FAT4: variants seen among roughly 807,000 people sequenced by gnomAD.
FAT4 encodes FAT atypical cadherin 4.
In FAT4, 84 loss-of-function variants were observed where a neutral mutation model predicts 303.9. The observed-to-expected ratio is 0.28, with a 90% confidence interval of 0.23 to 0.33. The LOEUF (loss-of-function observed/expected upper bound fraction) is 0.33. FAT4 is among the 10% of genes least tolerant of loss of function. FAT4 has a pLI of 1.00. For synonymous variants in FAT4, 2,307 were observed against 2,298.8 expected, an observed-to-expected ratio of 1.00 and a Z score of -0.10; for missense variants, 6,005 against 6,146.8, an observed-to-expected ratio of 0.98 and a Z score of 0.77.
chr4:125,448,096 G>T (rs1578654141), intron 9 of FAT4, among the ~76,000 whole-genome samples: 1 of 152,150 alleles, frequency 6.6e-6, no homozygotes, highest in East Asian at 1.9e-4. Flanking sequence ...ACTTTGCAGA[G>T]CTCGCATATT....
rs764161332 is a variant in FAT4, at chr4:125,491,761, A to G, written c.14945A>G (p.Tyr4982Cys). The G allele has an allele frequency of 6.2e-6, 10 of 1,608,176 alleles. No individual in the cohort carries two copies. The highest frequency in any genetic ancestry group is 8.5e-6 in the Non-Finnish European group (10 of 1,177,510). ...CCCAAAGATGGGGAAGCAGAACAGT[A>G]TGTGTGAAGTTTATGTACTGGCACT... Reference protein sequence around the residue: ...PVPKDGEAEQYV With the variant: ...PVPKDGEAEQCV The change falls in exon 18 of 18, where the codon TAT (tyrosine) becomes TGT (cysteine). Residue 4982 changes from tyrosine to cysteine, a missense_variant. Coordinates refer to ENST00000394329, the MANE Select transcript of FAT4 (RefSeq NM_001291303.3).
intron 2 of FAT4, among the ~76,000 whole-genome samples, chr4:125,369,787 G>A (rs1314342374): frequency 2.6e-5 from 4 of 151,926 alleles, no homozygotes; most frequent in East Asian, 1.9e-4. Context: ...TCCTCCAATC[G>A]GCAAGCTCCA....
intron 7 of FAT4, among the ~76,000 whole-genome samples, chr4:125,425,817 T>C (rs891608214): frequency 2.6e-5 from 4 of 152,222 alleles, no homozygotes; most frequent in African/African-American, 9.6e-5. Context: ...AGAGATTCTG[T>C]CTCTAGATTT....
At chr4:125,475,927 G>A (rs959692574) in intron 12 of FAT4, among the ~76,000 whole-genome samples, 1 of 151,930 alleles carries the variant, frequency 6.6e-6, no homozygotes, top group East Asian at 1.9e-4. Context: ...GAGCAGGAGA[G>A]GATTTTTAAA....
chr4:125,390,722 C>T (rs1733946121), intron 2 of FAT4, among the ~76,000 whole-genome samples: 1 of 152,118 alleles, frequency 6.6e-6, no homozygotes, highest in Non-Finnish European at 1.5e-5. Context: ...CAGGTTTACA[C>T]GTGCCTTTCA....
rs777657040 is a variant in FAT4 at position 125,325,355 on chromosome 4, G to A, written c.5175+3769G>A. 1.0e-3 allele frequency among the ~76,000 whole-genome samples: 156 copies of A among 152,008 alleles called. 3 individuals are homozygous for A. Among genetic ancestry groups the A allele is most frequent in the Admixed American group, 4.6e-4 (7 of 15,250 alleles). On this transcript the variant is annotated intron_variant, in intron 2 of 17. Coordinates refer to ENST00000394329, the MANE Select transcript of FAT4 (RefSeq NM_001291303.3). Reference sequence around the variant, plus strand: ...TTTAATATATGACTCTCAACCTGTTGGTGATGGTTAGAAGTTTTCCAAATT... The same window carrying A: ...TTTAATATATGACTCTCAACCTGTTAGTGATGGTTAGAAGTTTTCCAAATT...
intron 2 of FAT4, among the ~76,000 whole-genome samples, chr4:125,351,561 T>G (rs190060277): frequency 4.0e-5 from 6 of 151,892 alleles, no homozygotes; most frequent in Admixed American, 3.3e-4. Flanking sequence ...GTCTTCACAA[T>G]AAATTCAGTT....
In FAT4 at chr4:125,452,423, CAT is replaced by C; in HGVS notation, c.11414_11415del (p.His3805ArgfsTer28). The C allele has an allele frequency of 6.2e-7, 1 of 1,614,076 alleles. No homozygotes were observed. Among genetic ancestry groups the C allele is most frequent in the Non-Finnish European group, 8.5e-7 (1 of 1,180,026 alleles). On this transcript the variant is annotated frameshift_variant, in exon 10 of 18. Coordinates refer to ENST00000394329, the MANE Select transcript of FAT4 (RefSeq NM_001291303.3). LOFTEE classifies it high-confidence loss of function. ...TGGAGTAAAGGTGGAATCTGTGGAT[CAT>C]GACTCCTGTGTGCATGGCCCATGTC... ...QSGVKVESVD[H>X]DSCVHGPCQN...
chr4:125,450,606 A>T lies in FAT4; in HGVS notation c.9596A>T (p.Asp3199Val), dbSNP rs377635696. 12 of 1,614,136 alleles carry T rather than the reference A, an allele frequency of 7.4e-6. No individual in the cohort carries two copies. The highest frequency in any genetic ancestry group is 8.5e-7 in the Non-Finnish European group (1 of 1,180,020). ...VNDNSPVFLSDDYFPTVLENA... is the reference protein window; with the variant it reads ...VNDNSPVFLSVDYFPTVLENA... Reference sequence around the variant, plus strand: ...GATAATTCTCCAGTATTCCTCTCTGATGACTATTTCCCTACTGTTTTGGAA... The same window carrying T: ...GATAATTCTCCAGTATTCCTCTCTGTTGACTATTTCCCTACTGTTTTGGAA... The change falls in exon 10 of 18, where the codon GAT (aspartate) becomes GTT (valine). Residue 3199 changes from aspartate (D) to valine (V), a missense_variant. Transcript: ENST00000394329.
intron 7 of FAT4, among the ~76,000 whole-genome samples, chr4:125,427,695 A>G (rs902273420): frequency 3.0e-4 from 45 of 152,004 alleles, no homozygotes; most frequent in Non-Finnish European, 2.4e-4. Context: ...CTTCATGGGG[A>G]AAAAAAGAAG....
At position 125,415,309 on chromosome 4, in the gene FAT4, G is replaced by A; in HGVS notation, c.6346G>A (p.Glu2116Lys). 1.9e-6 allele frequency: 3 copies of A among 1,614,038 alleles called. No homozygotes were observed. The highest frequency in any genetic ancestry group is 2.5e-6 in the Non-Finnish European group (3 of 1,179,964). Residue 2116 changes from glutamate to lysine, a missense_variant, in exon 6 of 18, where the codon GAA (glutamate) becomes AAA (lysine). Coordinates refer to ENST00000394329, the MANE Select transcript of FAT4 (RefSeq NM_001291303.3). ...GCTCACTGGAGAACTGGACAGAGAA[G>A]AAGTTTCTAATTATACTCTAACAGT... ...VRLTGELDRE[E>K]VSNYTLTVVA...
At chr4:125,367,659 T>C (rs1323127426) in intron 2 of FAT4, among the ~76,000 whole-genome samples, 2 of 152,154 alleles carry the variant, frequency 1.3e-5, no homozygotes, top group African/African-American at 4.8e-5. Context: ...GTTAAGTTAT[T>C]CAGTTGTTCA....
At chr4:125,383,662 T>A (rs1180104002) in intron 2 of FAT4, among the ~76,000 whole-genome samples, 2 of 152,174 alleles carry the variant, frequency 1.3e-5, no homozygotes, top group East Asian at 3.9e-4. Context: ...TTTGTAACAA[T>A]ATGCAAATAT....
chr4:125,330,828 T>C (rs780266704), intron 2 of FAT4, among the ~76,000 whole-genome samples: 3 of 152,196 alleles, frequency 2.0e-5, no homozygotes, highest in Non-Finnish European at 2.9e-5. Context: ...ATTTCACTTA[T>C]AGTAAAAGTC....
chr4:125,411,393 T>G (rs922675282), intron 5 of FAT4, among the ~76,000 whole-genome samples: 2 of 151,960 alleles, frequency 1.3e-5, no homozygotes, highest in African/African-American at 4.8e-5. Flanking sequence ...CGTTATCCTA[T>G]AAATTATTTA....
rs1157733260 is a variant in FAT4, at chr4:125,408,590, T to C, written c.5716T>C (p.Tyr1906His). ...GVFNLTRLLD[Y>H]EVQQYYILTV... Reference sequence around the variant, plus strand: ...CTTTAATTTGACTCGATTATTAGATTATGAAGTACAGCAATATTATATCCT... The same window carrying C: ...CTTTAATTTGACTCGATTATTAGATCATGAAGTACAGCAATATTATATCCT... The change falls in exon 5 of 18, where the codon TAT becomes CAT. Residue 1906 changes from tyrosine (Y) to histidine (H), a missense_variant. Tyr to His is a moderately conservative substitution (Grantham distance 83). Coordinates refer to ENST00000394329, the MANE Select transcript of FAT4 (RefSeq NM_001291303.3). The C allele has an allele frequency of 1.9e-6, 3 of 1,612,868 alleles. No individual in the cohort carries two copies. The highest frequency in any genetic ancestry group is 2.5e-6 in the Non-Finnish European group (3 of 1,179,384).
At chr4:125,438,825 TTC>T (rs1725547730) in intron 8 of FAT4, among the ~76,000 whole-genome samples, 1 of 152,178 alleles carries the variant, frequency 6.6e-6, no homozygotes, top group African/African-American at 2.4e-5. Flanking sequence ...AGAAAATCTA[TTC>T]TTTCTTCAGA....
chr4:125,387,853 C>A (rs1014161435), intron 2 of FAT4, among the ~76,000 whole-genome samples: 40 of 152,130 alleles, frequency 2.6e-4, no homozygotes, highest in African/African-American at 9.4e-4. Context: ...TTAATGAATT[C>A]ATTGTTTTGG....
At position 125,415,151 on chromosome 4, in the gene FAT4, C is replaced by G; in HGVS notation, c.6188C>G (p.Thr2063Arg). The G allele has an allele frequency of 6.2e-7, 1 of 1,614,024 alleles. No homozygotes were observed. Among genetic ancestry groups the G allele is most frequent in the Non-Finnish European group, 8.5e-7 (1 of 1,179,960 alleles). The change falls in exon 6 of 18, where the codon ACA (threonine) becomes AGA (arginine). Residue 2063 changes from threonine to arginine, a missense_variant. Thr to Arg is a moderately conservative substitution (Grantham distance 71). Coordinates refer to ENST00000394329, the MANE Select transcript of FAT4 (RefSeq NM_001291303.3). ...SPKLTYIPEN[T>R]PIDTVVFKAQ... Reference sequence around the variant, plus strand: ...AAATTGACATACATTCCAGAAAATACACCTATTGATACTGTTGTTTTCAAA... The same window carrying G: ...AAATTGACATACATTCCAGAAAATAGACCTATTGATACTGTTGTTTTCAAA...
Sources: gnomAD v4.1 joint callset for allele counts (sites outside exome capture counted in the v4.1 genomes callset) on GRCh38, gnomAD v4.1.1 for gene constraint, MANE v1.5 for transcripts, NCBI Gene and HGNC (gene_info 2026-07-23, HGNC 2026-07-21) for gene names.